The following LRFN2 variants were observed in gnomAD, a reference collection of about 807,000 sequenced individuals.
LRFN2 encodes leucine-rich repeat and fibronectin type-III domain-containing protein 2.
LRFN2 carries 18 observed loss-of-function variants against 37.3 expected under a neutral mutation model. The ratio of observed to expected loss-of-function variants is 0.48; its 90% CI spans 0.33 to 0.72. The LOEUF (loss-of-function observed/expected upper bound fraction) is 0.72. Among genes scored for constraint, LRFN2 ranks in the 30% least tolerant of loss-of-function variants. The pLI is 0.02. For missense variants in LRFN2, 1,006 were observed against 1,060.7 expected (o/e 0.95, Z 0.72); for synonymous variants, 556 against 466.6 (o/e 1.19, Z -2.47).
intron 1 of LRFN2, among the ~76,000 whole-genome samples, chr6:40,482,870 G>A (rs1245319718): frequency 2.0e-5 from 3 of 152,192 alleles, no homozygotes; most frequent in Non-Finnish European, 4.4e-5. Context: ...TGGGCTCCCG[G>A]GTGGTGCAGG....
intron 2 of LRFN2, among the ~76,000 whole-genome samples, chr6:40,400,395 G>A (rs1762712840): frequency 6.7e-6 from 1 of 150,182 alleles, no homozygotes; most frequent in Non-Finnish European, 1.5e-5. Context: ...TGGTTCTGAG[G>A]ACATCTTTCT....
At chr6:40,553,673 T>C (rs1561905492) in intron 1 of LRFN2, among the ~76,000 whole-genome samples, 1 of 152,242 alleles carries the variant, frequency 6.6e-6, no homozygotes, top group Non-Finnish European at 1.5e-5. Context: ...AATTGGTCAA[T>C]AGGGAACCAC....
Position 40,472,119 on chromosome 6 carries a change from T to C in LRFN2, c.-18-38988A>G, listed in dbSNP as rs75887131. On this transcript the variant is annotated intron_variant, in intron 1 of 2. Coordinates refer to ENST00000338305, the MANE Select transcript of LRFN2 (RefSeq NM_020737.3). ...AATAAAGACAATCAGGTTGTACTTA[T>C]AGGAAACTTGAATTCTTCCCCGGTC... 3.0e-3 allele frequency among the ~76,000 whole-genome samples: 453 copies of C among 152,314 alleles called. 2 individuals are homozygous for C. Among genetic ancestry groups the C allele is most frequent in the African/African-American group, 9.7e-3 (402 of 41,568 alleles).
At chr6:40,481,816 G>T (rs1764838397) in intron 1 of LRFN2, among the ~76,000 whole-genome samples, 1 of 152,216 alleles carries the variant, frequency 6.6e-6, no homozygotes, top group Non-Finnish European at 1.5e-5. Flanking sequence ...TGAAGACTCA[G>T]TCCCACAACC....
intron 1 of LRFN2, among the ~76,000 whole-genome samples, chr6:40,566,749 G>A (rs901742957): frequency 6.6e-6 from 1 of 151,460 alleles, no homozygotes; most frequent in African/African-American, 2.4e-5. Flanking sequence ...TGGGGGGAGA[G>A]GGGAGGAATA....
intron 1 of LRFN2, among the ~76,000 whole-genome samples, chr6:40,534,980 A>G (rs1299151057): frequency 6.6e-6 from 1 of 152,184 alleles, no homozygotes; most frequent in Non-Finnish European, 1.5e-5. Flanking sequence ...GGCCCATGAT[A>G]TAGTGGCAGA....
At chr6:40,513,698 G>A (rs984376268) in intron 1 of LRFN2, among the ~76,000 whole-genome samples, 5 of 152,170 alleles carry the variant, frequency 3.3e-5, no homozygotes, top group East Asian at 1.9e-4. Flanking sequence ...AAGGTGATAC[G>A]TGCCAGGGAG....
At chr6:40,548,686 A>G (rs1024522431) in intron 1 of LRFN2, among the ~76,000 whole-genome samples, 1 of 152,196 alleles carries the variant, frequency 6.6e-6, no homozygotes, top group Non-Finnish European at 1.5e-5. Context: ...AGGAATATAT[A>G]GCCTAAACAG....
At chr6:40,423,168 A>G (rs960008022) in intron 2 of LRFN2, among the ~76,000 whole-genome samples, 1 of 152,248 alleles carries the variant, frequency 6.6e-6, no homozygotes, top group Non-Finnish European at 1.5e-5. Flanking sequence ...AAACTCCACC[A>G]TCAGGGATTC....
chr6:40,447,816 C>A (rs1221151175), intron 1 of LRFN2, among the ~76,000 whole-genome samples: 1 of 152,114 alleles, frequency 6.6e-6, no homozygotes. Context: ...TAGTAGGTGG[C>A]CCCTCATCCA....
intron 1 of LRFN2, among the ~76,000 whole-genome samples, chr6:40,543,074 C>T (rs1223505265): frequency 6.6e-6 from 1 of 152,216 alleles, no homozygotes. Context: ...TTCCAGAGCC[C>T]CTGCCAGCTC....
chr6:40,578,089 C>A (rs187529135), intron 1 of LRFN2, among the ~76,000 whole-genome samples: 2 of 152,298 alleles, frequency 1.3e-5, no homozygotes, highest in East Asian at 3.9e-4. Flanking sequence ...TATCCCTATC[C>A]CCATCCCAAG....
intron 1 of LRFN2, among the ~76,000 whole-genome samples, chr6:40,569,807 C>G (rs1767155659): frequency 1.3e-5 from 2 of 152,286 alleles, no homozygotes; most frequent in South Asian, 4.1e-4. Flanking sequence ...TCATTCTCAG[C>G]TTAAAAGCTT....
intron 2 of LRFN2, among the ~76,000 whole-genome samples, chr6:40,401,561 G>A (rs931198367): frequency 1.3e-5 from 2 of 152,104 alleles, no homozygotes; most frequent in Non-Finnish European, 2.9e-5. Context: ...TTTACATTAT[G>A]GCAATTATTT....
intron 1 of LRFN2, among the ~76,000 whole-genome samples, chr6:40,535,909 C>G (rs1315649475): frequency 6.6e-6 from 1 of 151,946 alleles, no homozygotes; most frequent in African/African-American, 2.4e-5. Context: ...GTAAGAAAGA[C>G]AAGGAGAAGG....
chr6:40,467,166 AGATGATGATGATGAT>A lies in LRFN2; in HGVS notation c.-18-34050_-18-34036del, dbSNP rs35088407. On this transcript the variant is annotated intron_variant, in intron 1 of 2. Coordinates refer to ENST00000338305, the MANE Select transcript of LRFN2 (RefSeq NM_020737.3). ...ATCTCAGTATTTGGAAAGTTGAATG[AGATGATGATGATGAT>A]GATGATGATGATGATGATGATGATG... is the stretch of plus-strand genomic sequence containing the variant. Among the ~76,000 whole-genome samples, 9 of 148,674 alleles carry A rather than the reference AGATGATGATGATGAT, an allele frequency of 6.1e-5. No homozygotes were observed. The South Asian group carries it at 6.6e-4, about 11-fold the overall frequency.
chr6:40,555,889 A>G (rs1561906401), intron 1 of LRFN2, among the ~76,000 whole-genome samples: 1 of 152,142 alleles, frequency 6.6e-6, no homozygotes, highest in Non-Finnish European at 1.5e-5. Context: ...ATAATTTCTT[A>G]TCTGGCAGTG....
chr6:40,416,210 T>A (rs1032774065), intron 2 of LRFN2, among the ~76,000 whole-genome samples: 1 of 152,172 alleles, frequency 6.6e-6, no homozygotes, highest in African/African-American at 2.4e-5. Context: ...GATTTCACCA[T>A]GTTGGCCAGG....
chr6:40,482,725 C>T (rs866227617), intron 1 of LRFN2, among the ~76,000 whole-genome samples: 9 of 152,372 alleles, frequency 5.9e-5, no homozygotes, highest in African/African-American at 9.6e-5. Context: ...CCTCCGCCCT[C>T]GCCCTGCCCA....
Sources: gnomAD v4.1 joint callset for allele counts (sites outside exome capture counted in the v4.1 genomes callset) on GRCh38, gnomAD v4.1.1 for gene constraint, MANE v1.5 for transcripts, NCBI Gene and HGNC (gene_info 2026-07-23, HGNC 2026-07-21) for gene names.